COL6A6: variants seen among roughly 807,000 people sequenced by gnomAD.
COL6A6 encodes the protein collagen type VI alpha 6 chain.
COL6A6 carries 183 observed loss-of-function variants against 208.6 expected under a neutral mutation model. The observed-to-expected ratio is 0.88, with a 90% CI of 0.78 to 0.99. COL6A6 has a LOEUF of 0.99. Among genes scored for constraint, COL6A6 ranks in the 50% least tolerant of loss-of-function variants. COL6A6 has a pLI of 0.00. For synonymous variants in COL6A6, 973 were observed against 1,011.8 expected, an observed-to-expected ratio of 0.96 and a Z score of 0.73; for missense variants, 2,816 against 2,815.2, an observed-to-expected ratio of 1.00 and a Z score of -0.01.
chr3:130,638,618 G>C (rs921398788), intron 28 of COL6A6, among the ~76,000 whole-genome samples: 1 of 152,168 alleles, frequency 6.6e-6, no homozygotes, highest in African/African-American at 2.4e-5. Flanking sequence ...GCTAAGAAGG[G>C]GTGAATGAAA....
intron 33 of COL6A6, among the ~76,000 whole-genome samples, chr3:130,658,446 T>C (rs977698903): frequency 1.3e-5 from 2 of 152,222 alleles, no homozygotes; most frequent in African/African-American, 4.8e-5. Flanking sequence ...GTAGTAGTAC[T>C]CTTATTTTAC....
chr3:130,545,215 T>C (rs992103049), intron 1 of COL6A6, among the ~76,000 whole-genome samples: 1 of 152,222 alleles, frequency 6.6e-6, no homozygotes, highest in Non-Finnish European at 1.5e-5. Flanking sequence ...GTAAGATACA[T>C]GTCCAGTTTC....
rs117153039 is a variant in COL6A6 at position 130,669,533 on chromosome 3, T to C, written c.6596+4437T>C. ...ACTGTGTAACAATCAAAATGCTATA[T>C]GTCAAAACTTGTAGGATGCACCAGA... On this transcript the variant is annotated intron_variant, in intron 36 of 36. Transcript: ENST00000358511. Among the ~76,000 whole-genome samples, 65 of 152,186 alleles carry C rather than the reference T, an allele frequency of 4.3e-4. No homozygotes were observed. In the East Asian group the frequency reaches 0.012, roughly 28 times the overall value.
chr3:130,565,511 C>T lies in COL6A6; in HGVS notation c.1179C>T (p.Phe393=), dbSNP rs202062422. Residue 393 remains phenylalanine, a synonymous_variant, in exon 4 of 37, where the codon TTC becomes TTT. Coordinates refer to ENST00000358511, the MANE Select transcript of COL6A6 (RefSeq NM_001102608.3). ...AGTATGTCTCCAAACTGAAGACCTT[C>T]GCTGACCTGGCTGCTCACAACCAGA... ...AEQYVSKLKT[F]ADLAAHNQTF... 3.2e-5 allele frequency: 51 copies of T among 1,614,028 alleles called. No individual in the cohort carries two copies. The African/African-American group carries it at 4.9e-4, about 16-fold the overall frequency.
intron 4 of COL6A6, among the ~76,000 whole-genome samples, chr3:130,566,430 A>G (rs2063024878): frequency 3.9e-5 from 6 of 152,206 alleles, no homozygotes; most frequent in Admixed American, 3.9e-4. Context: ...TCTTGTAAAA[A>G]GCAGCTTCAA....
chr3:130,564,681 A>G (rs1472377566), intron 3 of COL6A6, among the ~76,000 whole-genome samples: 1 of 152,238 alleles, frequency 6.6e-6, no homozygotes. Flanking sequence ...TATGATAGCA[A>G]TGGCTATGGT....
At chr3:130,672,656 A>T (rs1379884948) in intron 36 of COL6A6, among the ~76,000 whole-genome samples, 1 of 151,652 alleles carries the variant, frequency 6.6e-6, no homozygotes, top group Non-Finnish European at 1.5e-5. Context: ...CAACTGCCTC[A>T]GCCTCCCAAA....
At chr3:130,604,426 CG>C (rs2064118429) in intron 20 of COL6A6, among the ~76,000 whole-genome samples, 1 of 148,884 alleles carries the variant, frequency 6.7e-6, no homozygotes, top group Non-Finnish European at 1.5e-5. Context: ...ACCCGGGAAG[CG>C]GAGCTTGCAG....
chr3:130,575,236 G>A (rs749561890), intron 8 of COL6A6, among the ~76,000 whole-genome samples: 1 of 151,784 alleles, frequency 6.6e-6, no homozygotes, highest in African/African-American at 2.4e-5. Flanking sequence ...ATTTTTTTCC[G>A]GGACAAGTTG....
chr3:130,527,978 T>A (rs1305951624), intron 1 of COL6A6, among the ~76,000 whole-genome samples: 1 of 151,420 alleles, frequency 6.6e-6, no homozygotes, highest in Non-Finnish European at 1.5e-5. Context: ...CCTTTACATT[T>A]TTCAGAGCTG....
chr3:130,519,694 A>G (rs1710953776), intron 1 of COL6A6, among the ~76,000 whole-genome samples: 1 of 152,320 alleles, frequency 6.6e-6, no homozygotes. Flanking sequence ...GGGCAGTGAT[A>G]TCTACCTACC....
intron 1 of COL6A6, among the ~76,000 whole-genome samples, chr3:130,534,310 C>T (rs1278471839): frequency 6.6e-6 from 1 of 152,214 alleles, no homozygotes; most frequent in East Asian, 1.9e-4. Flanking sequence ...TTCAGATTAC[C>T]TCTGCTGTGA....
In COL6A6 at chr3:130,662,254, C is replaced by T; in HGVS notation, c.6448C>T (p.Pro2150Ser). ...GGTCCAGCTTGGCCGAATTCATAAA[C>T]CTGACCACAGTTATGGTGTGAAGTT... ...HLVQLGRIHK[P>S]DHSYGVKFVK... The change falls in exon 35 of 37, where the codon CCT becomes TCT. Residue 2150 changes from proline to serine, a missense_variant. Pro to Ser is a moderately conservative substitution (Grantham distance 74). Coordinates refer to ENST00000358511, the MANE Select transcript of COL6A6 (RefSeq NM_001102608.3). 1 of 1,613,968 alleles carries T rather than the reference C, an allele frequency of 6.2e-7. No homozygotes were observed. The highest frequency in any genetic ancestry group is 8.5e-7 in the Non-Finnish European group (1 of 1,179,876).
chr3:130,551,620 T>G (rs1324390210), intron 1 of COL6A6, among the ~76,000 whole-genome samples: 1 of 149,300 alleles, frequency 6.7e-6, no homozygotes, highest in Non-Finnish European at 1.5e-5. Flanking sequence ...CTGGATTTGT[T>G]GATCTTTTGG....
intron 36 of COL6A6, among the ~76,000 whole-genome samples, chr3:130,674,679 C>T (rs1559811663): frequency 1.3e-5 from 2 of 152,182 alleles, no homozygotes; most frequent in African/African-American, 4.8e-5. Context: ...ATGTGTTAAG[C>T]ACTTTTAGGT....
chr3:130,541,144 G>A (rs1488404899), intron 1 of COL6A6, among the ~76,000 whole-genome samples: 2 of 152,146 alleles, frequency 1.3e-5, no homozygotes, highest in African/African-American at 4.8e-5. Flanking sequence ...TTAAAACGTG[G>A]GCAAAGGACA....
At chr3:130,573,158 C>T (rs1273497072) in intron 7 of COL6A6, among the ~76,000 whole-genome samples, 2 of 152,162 alleles carry the variant, frequency 1.3e-5, no homozygotes, top group African/African-American at 4.8e-5. Context: ...TCTCAATATG[C>T]CCTAATGAAC....
At chr3:130,617,387 C>T (rs973957092) in intron 23 of COL6A6, among the ~76,000 whole-genome samples, 3 of 152,096 alleles carry the variant, frequency 2.0e-5, no homozygotes, top group Non-Finnish European at 4.4e-5. Flanking sequence ...ATGAGATGAG[C>T]GTATTTGGTT....
intron 17 of COL6A6, among the ~76,000 whole-genome samples, chr3:130,593,476 A>G (rs1012334801): frequency 3.9e-5 from 6 of 152,134 alleles, no homozygotes; most frequent in Non-Finnish European, 7.4e-5. Context: ...GCTTTACTCC[A>G]TCTGTCACTT....
Sources: allele counts gnomAD v4.1 joint callset (sites outside exome capture counted in the v4.1 genomes callset), GRCh38; gene constraint gnomAD v4.1.1; transcripts MANE v1.5; gene names NCBI Gene and HGNC (gene_info 2026-07-23, HGNC 2026-07-21).